Variants in CACNA1C observed in about 807,000 individuals in gnomAD.
The protein encoded by CACNA1C is calcium voltage-gated channel subunit alpha1 C.
Under a neutral mutation model 229.0 loss-of-function variants are expected in CACNA1C, and 30 were observed. That is an observed-to-expected ratio of 0.13 (90% confidence interval 0.10 to 0.18). CACNA1C has a LOEUF of 0.18. Ranked by LOEUF, CACNA1C falls within the 10% of genes least tolerant of loss-of-function variation. The pLI is 1.00. For synonymous variants in CACNA1C, 1,114 were observed against 1,132.5 expected (o/e 0.98, Z 0.33); for missense variants, 1,658 against 2,845.0 (o/e 0.58, Z 9.49).
In CACNA1C at chr12:2,067,199, C is replaced by T. The variant is rs1398909431; in HGVS notation, c.49+13588C>T. 6.6e-6 allele frequency among the ~76,000 whole-genome samples: 1 copy of T among 152,030 alleles called. No homozygotes were observed. The highest frequency in any genetic ancestry group is 1.5e-5 in the Non-Finnish European group (1 of 67,990). On this transcript the variant is annotated intron_variant, in intron 1 of 46. Coordinates refer to ENST00000399655, the MANE Select transcript of CACNA1C (RefSeq NM_000719.7). The surrounding 1 kb of genome is among the most constrained non-coding windows in gnomAD (Gnocchi z 5.3). ...AGCTGGTGTGGGAGAATCAAGGTGGCCAGTGGGATGCAGGAGCCAGGATGC... is the reference window on the plus strand; with the variant it reads ...AGCTGGTGTGGGAGAATCAAGGTGGTCAGTGGGATGCAGGAGCCAGGATGC...
At chr12:2,316,713 C>A (rs1203976063) in intron 3 of CACNA1C, among the ~76,000 whole-genome samples, 1 of 152,204 alleles carries the variant, frequency 6.6e-6, no homozygotes. Context: ...CTCATTAGTT[C>A]ACCAACAGAA....
At chr12:2,085,426 C>T (rs958140853) in intron 1 of CACNA1C, among the ~76,000 whole-genome samples, 2 of 152,100 alleles carry the variant, frequency 1.3e-5, no homozygotes, top group Admixed American at 1.3e-4. Context: ...AAAGTAAATG[C>T]ACTATCTCCA....
intron 1 of CACNA1C, among the ~76,000 whole-genome samples, chr12:2,037,961 C>G (rs2049429281): frequency 1.3e-5 from 2 of 152,304 alleles, no homozygotes; most frequent in East Asian, 1.9e-4. Context: ...TTGTTCTAGG[C>G]AACGTTGTAA....
At chr12:2,242,513 G>A (rs2070936829) in intron 3 of CACNA1C, among the ~76,000 whole-genome samples, 1 of 152,174 alleles carries the variant, frequency 6.6e-6, no homozygotes, top group South Asian at 2.1e-4. Context: ...CAAAAATTTG[G>A]ATTTTGTATG....
At chr12:2,559,172 TC>T (rs2046187630) in intron 11 of CACNA1C, among the ~76,000 whole-genome samples, 1 of 152,184 alleles carries the variant, frequency 6.6e-6, no homozygotes, top group Non-Finnish European at 1.5e-5. Context: ...CTTTAACAGT[TC>T]CAAAGCCCCC....
chr12:2,515,876 C>G (rs959509390), intron 9 of CACNA1C, among the ~76,000 whole-genome samples: 5 of 152,236 alleles, frequency 3.3e-5, no homozygotes, highest in Admixed American at 2.0e-4. Flanking sequence ...AAAATATGTT[C>G]CAGTTCATTC....
At chr12:2,520,709 C>T (rs1448375328) in intron 9 of CACNA1C, among the ~76,000 whole-genome samples, 1 of 128,416 alleles carries the variant, frequency 7.8e-6, no homozygotes, top group African/African-American at 3.5e-5. Flanking sequence ...TTCTCATTGA[C>T]CAATGGCCGT....
chr12:2,456,724 C>T (rs1314677286), intron 4 of CACNA1C, among the ~76,000 whole-genome samples: 2 of 152,176 alleles, frequency 1.3e-5, no homozygotes, highest in African/African-American at 4.8e-5. Context: ...GGAAGGCGGC[C>T]CTCACCCTGT....
At chr12:2,417,315 T>C (rs1410662046) in intron 3 of CACNA1C, among the ~76,000 whole-genome samples, 1 of 152,200 alleles carries the variant, frequency 6.6e-6, no homozygotes, top group East Asian at 1.9e-4. Context: ...CCACTTGCAG[T>C]CATTCACCTT....
At chr12:2,149,799 G>GGA (rs1417334728) in intron 3 of CACNA1C, among the ~76,000 whole-genome samples, 3 of 152,158 alleles carry the variant, frequency 2.0e-5, no homozygotes, top group Non-Finnish European at 4.4e-5. Flanking sequence ...GCACACCCCA[G>GGA]GAAAGGGCTG....
At chr12:2,308,984 C>T (rs2095264835) in intron 3 of CACNA1C, among the ~76,000 whole-genome samples, 2 of 152,186 alleles carry the variant, frequency 1.3e-5, no homozygotes, top group Non-Finnish European at 1.5e-5. Context: ...AGAAAGTCCA[C>T]TTCTGGGTGT....
chr12:2,500,469 G>T (rs1365430787), intron 7 of CACNA1C, among the ~76,000 whole-genome samples: 2 of 152,202 alleles, frequency 1.3e-5, no homozygotes, highest in African/African-American at 4.8e-5. Flanking sequence ...GGGGTGTGAG[G>T]AACTAGTGAG....
chr12:2,314,565 C>G (rs192687118), intron 3 of CACNA1C, among the ~76,000 whole-genome samples: 3 of 152,218 alleles, frequency 2.0e-5, no homozygotes, highest in Non-Finnish European at 4.4e-5. Flanking sequence ...CATTTCCCCT[C>G]TTGTTGTACT....
At chr12:2,057,299 C>T (rs970577596) in intron 1 of CACNA1C, among the ~76,000 whole-genome samples, 2 of 152,332 alleles carry the variant, frequency 1.3e-5, no homozygotes, top group Middle Eastern at 3.4e-3. Flanking sequence ...TCCAGGGCCT[C>T]GATGCAAGGC....
chr12:2,206,054 T>G (rs1599066442), intron 3 of CACNA1C, among the ~76,000 whole-genome samples: 1 of 152,194 alleles, frequency 6.6e-6, no homozygotes, highest in African/African-American at 2.4e-5. Flanking sequence ...TCTGTCACCA[T>G]GTACATGGAC....
intron 3 of CACNA1C, among the ~76,000 whole-genome samples, chr12:2,316,154 C>T (rs2095677659): frequency 6.6e-6 from 1 of 152,246 alleles, no homozygotes; most frequent in African/African-American, 2.4e-5. Context: ...TGTTCAGTTT[C>T]TACCAATGTG....
At chr12:2,259,231 C>T (rs1176675360) in intron 3 of CACNA1C, among the ~76,000 whole-genome samples, 33 of 152,304 alleles carry the variant, frequency 2.2e-4, no homozygotes, top group Non-Finnish European at 4.4e-5. Context: ...GCTCCCCACA[C>T]CCCGCCCTGC....
At chr12:2,234,493 T>C (rs1377716285) in intron 3 of CACNA1C, among the ~76,000 whole-genome samples, 1 of 152,134 alleles carries the variant, frequency 6.6e-6, no homozygotes, top group East Asian at 1.9e-4. Flanking sequence ...GTTCGTCAGG[T>C]GTGCCGAAGA....
intron 3 of CACNA1C, among the ~76,000 whole-genome samples, chr12:2,292,944 T>C (rs533794133): frequency 6.6e-6 from 1 of 152,262 alleles, no homozygotes; most frequent in South Asian, 2.1e-4. Context: ...TTTTTTTTTT[T>C]TTCTGGTGTA....
Sources: allele counts gnomAD v4.1 joint callset (sites outside exome capture counted in the v4.1 genomes callset), GRCh38; gene constraint gnomAD v4.1.1; non-coding constraint Gnocchi (gnomAD v3.1); transcripts MANE v1.5; gene names NCBI Gene and HGNC (gene_info 2026-07-23, HGNC 2026-07-21).